Variants in CTNNA2 observed in about 807,000 individuals in gnomAD.
The protein encoded by CTNNA2 is catenin alpha-2.
A neutral mutation model predicts 101.0 loss-of-function variants in CTNNA2; 42 were observed. The observed-to-expected ratio is 0.42, with a 90% CI of 0.32 to 0.54. CTNNA2 has a LOEUF of 0.54. Among genes scored for constraint, CTNNA2 ranks in the 20% least tolerant of loss-of-function variants. The pLI is 0.14. For missense variants in CTNNA2, 871 were observed against 1,223.1 expected (o/e 0.71, Z 4.29); for synonymous variants, 450 against 456.4 (o/e 0.99, Z 0.18).
intron 14 of CTNNA2, among the ~76,000 whole-genome samples, chr2:80,582,581 A>C (rs1298022693): frequency 2.0e-5 from 3 of 152,176 alleles, no homozygotes; most frequent in Non-Finnish European, 4.4e-5. Context: ...CCCAGAGAGT[A>C]GGTGTACGTA....
intron 12 of CTNNA2, among the ~76,000 whole-genome samples, chr2:80,563,297 G>A (rs548505367): frequency 2.0e-5 from 3 of 152,210 alleles, no homozygotes; most frequent in African/African-American, 4.8e-5. Context: ...CTGTCACCCA[G>A]ATTCTCTGAC....
rs144171592 is a variant in CTNNA2 at position 80,465,813 on chromosome 2, T to C, written c.1290+46212T>C. Among the ~76,000 whole-genome samples, 29 of 152,350 alleles carry C rather than the reference T, an allele frequency of 1.9e-4. No homozygotes were observed. The East Asian group carries it at 5.4e-3, about 28-fold the overall frequency. On this transcript the variant is annotated intron_variant, in intron 9 of 18. Coordinates refer to ENST00000402739, the MANE Select transcript of CTNNA2 (RefSeq NM_001282597.3). The stretch of plus-strand genomic sequence containing the variant: ...AGTTAGAATGAGCTCTTCATTTATT[T>C]GTTTCGTAAGCCCAAGCTTTCACTA...
At chr2:79,718,791 A>T (rs970780750) in intron 2 of CTNNA2, among the ~76,000 whole-genome samples, 4 of 151,776 alleles carry the variant, frequency 2.6e-5, no homozygotes, top group African/African-American at 9.7e-5. Context: ...TGGTAAATGT[A>T]CAGCAAATAT....
intron 4 of CTNNA2, among the ~76,000 whole-genome samples, chr2:79,375,309 T>C (rs1677954811): frequency 6.6e-6 from 1 of 152,184 alleles, no homozygotes; most frequent in South Asian, 2.1e-4. Flanking sequence ...AACAACTACC[T>C]TGTAAGCTTT....
intron 7 of CTNNA2, among the ~76,000 whole-genome samples, chr2:80,242,179 A>C (rs1670991199): frequency 6.6e-6 from 1 of 152,196 alleles, no homozygotes; most frequent in Non-Finnish European, 1.5e-5. Flanking sequence ...AATCTCTCAG[A>C]TTCCTTTATT....
chr2:80,350,304 A>G (rs1673164185), intron 7 of CTNNA2, among the ~76,000 whole-genome samples: 1 of 152,168 alleles, frequency 6.6e-6, no homozygotes, highest in South Asian at 2.1e-4. Context: ...TTCCGAATGA[A>G]ATGGTAAGTT....
intron 2 of CTNNA2, among the ~76,000 whole-genome samples, chr2:79,235,424 G>A (rs1674543331): frequency 6.6e-6 from 1 of 152,164 alleles, no homozygotes; most frequent in Non-Finnish European, 1.5e-5. Context: ...TCTGTGGTGG[G>A]TGGGGAGAGA....
chr2:79,921,019 A>G (rs1052788922), intron 7 of CTNNA2, among the ~76,000 whole-genome samples: 3 of 152,158 alleles, frequency 2.0e-5, no homozygotes, highest in Non-Finnish European at 4.4e-5. Context: ...TTCTTAACTC[A>G]TCACTTCCTA....
chr2:80,014,330 G>A (rs1693989004), intron 7 of CTNNA2, among the ~76,000 whole-genome samples: 1 of 151,842 alleles, frequency 6.6e-6, no homozygotes, highest in Non-Finnish European at 1.5e-5. Flanking sequence ...TGGTTCCGGA[G>A]GGGTGACGAC....
At chr2:80,606,696 A>T (rs1194663192) in intron 16 of CTNNA2, among the ~76,000 whole-genome samples, 1 of 151,936 alleles carries the variant, frequency 6.6e-6, no homozygotes, top group Non-Finnish European at 1.5e-5. Context: ...ATAGAATAGA[A>T]TGAGTATTAT....
intron 18 of CTNNA2, among the ~76,000 whole-genome samples, chr2:80,631,955 G>A (rs1672339235): frequency 6.6e-6 from 1 of 152,008 alleles, no homozygotes; most frequent in Non-Finnish European, 1.5e-5. Context: ...GGGTCAATAT[G>A]TTTTGAATCT....
chr2:79,228,495 G>A (rs1674449316), intron 2 of CTNNA2, among the ~76,000 whole-genome samples: 1 of 152,168 alleles, frequency 6.6e-6, no homozygotes, highest in Non-Finnish European at 1.5e-5. Flanking sequence ...GCATTTGTCT[G>A]TTGACGAGTG....
chr2:80,035,351 C>T (rs964391690), intron 7 of CTNNA2, among the ~76,000 whole-genome samples: 1 of 152,020 alleles, frequency 6.6e-6, no homozygotes, highest in African/African-American at 2.4e-5. Flanking sequence ...TAATCACTAC[C>T]ACCTAAAAAA....
intron 1 of CTNNA2, among the ~76,000 whole-genome samples, chr2:79,615,716 A>G (rs1013108306): frequency 6.6e-6 from 1 of 152,162 alleles, no homozygotes; most frequent in African/African-American, 2.4e-5. Context: ...AGGCATATTC[A>G]TATTACTATA....
intron 2 of CTNNA2, among the ~76,000 whole-genome samples, chr2:79,700,147 T>G (rs891308955): frequency 2.6e-5 from 4 of 151,980 alleles, no homozygotes; most frequent in Non-Finnish European, 5.9e-5. Flanking sequence ...ATGATAGCAA[T>G]TAACTAATCT....
At chr2:80,011,416 T>C (rs1693772149) in intron 7 of CTNNA2, among the ~76,000 whole-genome samples, 1 of 152,202 alleles carries the variant, frequency 6.6e-6, no homozygotes, top group Non-Finnish European at 1.5e-5. Flanking sequence ...TTTTTCTTGC[T>C]GCCTTGGCAC....
rs17017466 is a variant in CTNNA2 at position 79,667,909 on chromosome 2, A to T, written c.102+16251A>T. Among the ~76,000 whole-genome samples, 1,161 of 152,304 alleles carry T rather than the reference A, an allele frequency of 7.6e-3. 9 individuals are homozygous for T. The highest frequency in any genetic ancestry group is 0.027 in the African/African-American group (1,103 of 41,574). ...TTTGTAGTATTTTAATTAATCATAC[A>T]TTATTCTGAAGTCCTATACCAACTG... On this transcript the variant is annotated intron_variant, in intron 2 of 18. Coordinates refer to ENST00000402739, the MANE Select transcript of CTNNA2 (RefSeq NM_001282597.3).
chr2:79,517,618 A>G (rs750591380), intron 1 of CTNNA2, among the ~76,000 whole-genome samples: 1 of 152,178 alleles, frequency 6.6e-6, no homozygotes, highest in Non-Finnish European at 1.5e-5. Flanking sequence ...TATTGCTGCT[A>G]GTCAGCTTTA....
At chr2:80,314,518 C>T (rs1677916074) in intron 7 of CTNNA2, among the ~76,000 whole-genome samples, 1 of 152,094 alleles carries the variant, frequency 6.6e-6, no homozygotes, top group Admixed American at 6.5e-5. Context: ...TAGGGATGGC[C>T]ATGGGACTGT....
Sources: gnomAD v4.1 joint callset for allele counts (sites outside exome capture counted in the v4.1 genomes callset) on GRCh38, gnomAD v4.1.1 for gene constraint, MANE v1.5 for transcripts, NCBI Gene and HGNC (gene_info 2026-07-23, HGNC 2026-07-21) for gene names.